CATSPER3: variants seen among roughly 807,000 people sequenced by gnomAD.
CATSPER3 encodes cation channel sperm associated 3, also known as cation channel sperm-associated protein 3.
A neutral mutation model predicts 36.6 loss-of-function variants in CATSPER3; 23 were observed. The ratio of observed to expected loss-of-function variants is 0.63; its 90% CI spans 0.45 to 0.89. The LOEUF is 0.89. Among genes scored for constraint, CATSPER3 ranks in the 40% least tolerant of loss-of-function variants. The pLI, the probability that CATSPER3 is intolerant of heterozygous loss-of-function variation, is 0.00. For synonymous variants in CATSPER3, 172 were observed against 184.1 expected (o/e 0.93, Z 0.53); for missense variants, 474 against 503.9 (o/e 0.94, Z 0.57).
intron 3 of CATSPER3, among the ~76,000 whole-genome samples, chr5:134,998,554 T>C (rs2149551247): frequency 6.6e-6 from 1 of 152,398 alleles, no homozygotes; most frequent in East Asian, 1.9e-4. Flanking sequence ...AAAGTGTTCC[T>C]ATTTCTCCAC....
At position 135,011,523 on chromosome 5, in the gene CATSPER3, T is replaced by G. The variant is rs745909994; in HGVS notation, c.1097T>G (p.Leu366Arg). Reference sequence around the variant, plus strand: ...TCTCCTCCTGCTCCATTTTTCAGGCTTCAAGAGCTGTACTATGAGATCGTG... The same window carrying G: ...TCTCCTCCTGCTCCATTTTTCAGGCGTCAAGAGCTGTACTATGAGATCGTG... ...LDYQDTTVHK[L>R]QELYYEIVHV... is the part of the protein sequence containing the mutation. Residue 366 changes from leucine (L) to arginine (R), a missense_variant and splice_region_variant, in exon 8 of 8, where the codon CTT becomes CGT. Physicochemically the swap from Leu to Arg is moderately radical, Grantham distance 102. Coordinates refer to ENST00000282611, the MANE Select transcript of CATSPER3 (RefSeq NM_178019.3). 1 of 1,612,950 alleles carries G rather than the reference T, an allele frequency of 6.2e-7. No individual in the cohort carries two copies. Among genetic ancestry groups the G allele is most frequent in the Non-Finnish European group, 8.5e-7 (1 of 1,179,114 alleles).
chr5:134,972,241 T>G (rs889155203), intron 2 of CATSPER3, among the ~76,000 whole-genome samples: 15 of 152,204 alleles, frequency 9.9e-5, no homozygotes, highest in Non-Finnish European at 2.1e-4. Context: ...GTTGCTCAAC[T>G]GGTAAAGAAA....
At chr5:134,986,032 CACTT>C (rs1441582791) in intron 2 of CATSPER3, among the ~76,000 whole-genome samples, 1 of 151,946 alleles carries the variant, frequency 6.6e-6, no homozygotes, top group African/African-American at 2.4e-5. Flanking sequence ...TTCTACCAGT[CACTT>C]AAATATATAT....
chr5:134,970,405 C>T (rs921135462), intron 2 of CATSPER3, among the ~76,000 whole-genome samples: 2 of 151,964 alleles, frequency 1.3e-5, no homozygotes, highest in African/African-American at 2.4e-5. Flanking sequence ...GTGATCCACC[C>T]GCCTCAGCCT....
intron 2 of CATSPER3, among the ~76,000 whole-genome samples, chr5:134,981,995 T>A (rs1454384982): frequency 6.6e-6 from 1 of 152,058 alleles, no homozygotes; most frequent in East Asian, 1.9e-4. Flanking sequence ...CCAGGCTTGA[T>A]GGCAGGGCCT....
intron 1 of CATSPER3, chr5:134,968,515 AC>A: frequency 4.1e-6 from 1 of 246,506 alleles, no homozygotes; most frequent in South Asian, 5.2e-5. Flanking sequence ...ACGTGGCGAA[AC>A]CCCATCTCTA....
intron 3 of CATSPER3, 60 bp from the exon 4 acceptor site, chr5:135,007,897 T>A: frequency 7.5e-7 from 1 of 1,340,762 alleles, no homozygotes; most frequent in Non-Finnish European, 1.0e-6. Flanking sequence ...TGGACCTCTG[T>A]CCCTGGAGCC....
At position 134,968,057 on chromosome 5, in the gene CATSPER3, G is replaced by T. The variant is rs143654392; in HGVS notation, c.66G>T (p.Ser22=). The change falls in exon 1 of 8, where the codon TCG becomes TCT. Residue 22 remains serine (S), a synonymous_variant. Transcript: ENST00000282611. ...CTAGTTCACCAGTTGACACTACATC[G>T]GTGGGATTTTGCCCAACATTCAAGA... ...VISSSPVDTT[S]VGFCPTFKKF... 6 of 1,613,674 alleles carry T rather than the reference G, an allele frequency of 3.7e-6. No individual in the cohort carries two copies. In the African/African-American group the frequency reaches 4.0e-5, roughly 11 times the overall value.
intron 2 of CATSPER3, among the ~76,000 whole-genome samples, chr5:134,991,211 T>G (rs907345379): frequency 8.5e-5 from 13 of 152,220 alleles, no homozygotes; most frequent in Admixed American, 4.6e-4. Flanking sequence ...GCAATACTTT[T>G]CAAAGCAATC....
At position 134,967,934 on chromosome 5, in the gene CATSPER3, AAGC is replaced by A. The variant is rs985720177; in HGVS notation, c.-55_-53del. On this transcript the variant is annotated 5_prime_UTR_variant, in exon 1 of 8. Coordinates refer to ENST00000282611, the MANE Select transcript of CATSPER3 (RefSeq NM_178019.3). ...AATCCAGACGCTAAGGAAAATCCCTAAGCAGAGATTTTCTGTTGGATGCTAAAA... is the reference window on the plus strand; with the variant it reads ...AATCCAGACGCTAAGGAAAATCCCTAAGAGATTTTCTGTTGGATGCTAAAA... 7.7e-7 allele frequency: 1 copy of A among 1,298,014 alleles called. No homozygotes were observed. The highest frequency in any genetic ancestry group is 1.5e-5 in the African/African-American group (1 of 68,566). 80.4% of individuals were successfully genotyped at this position (1,298,014 alleles called of 1,614,324 possible).
intron 2 of CATSPER3, among the ~76,000 whole-genome samples, chr5:134,988,496 G>C (rs1457180329): frequency 6.6e-6 from 1 of 152,198 alleles, no homozygotes; most frequent in Admixed American, 6.5e-5. Context: ...GAAGTTTACG[G>C]AATATTCTAA....
At chr5:134,998,747 C>A (rs972697922) in intron 3 of CATSPER3, among the ~76,000 whole-genome samples, 3 of 152,132 alleles carry the variant, frequency 2.0e-5, no homozygotes, top group African/African-American at 7.2e-5. Context: ...ATATCCTTTG[C>A]CCACTTTTTG....
In CATSPER3 at chr5:135,007,880, G is replaced by A. The variant is rs909829626; in HGVS notation, c.493-77G>A. The A allele has an allele frequency of 2.1e-4, 252 of 1,196,370 alleles. 1 individual carries two copies. The highest frequency in any genetic ancestry group is 2.9e-4 in the Middle Eastern group (1 of 3,440). The allele number at this position is 1,196,370 out of a possible 1,614,324, so 74.1% of individuals were successfully genotyped here. On this transcript the variant is annotated intron_variant, in intron 3 of 7. Transcript: ENST00000282611. The stretch of plus-strand genomic sequence containing the variant: ...AGTTGCTGGGGACAGCTGTGAACTG[G>A]GCAGAATGGACCTCTGTCCCTGGAG...
chr5:134,975,206 T>C (rs1360456020), intron 2 of CATSPER3: 1 of 152,098 alleles, frequency 6.6e-6, no homozygotes, highest in Non-Finnish European at 1.5e-5. Flanking sequence ...TGAGAAATTA[T>C]TAACACTTCT....
intron 2 of CATSPER3, among the ~76,000 whole-genome samples, chr5:134,992,720 C>T (rs1751893524): frequency 6.6e-6 from 1 of 152,070 alleles, no homozygotes; most frequent in African/African-American, 2.4e-5. Flanking sequence ...AGCAAGACTC[C>T]ATCTCAAAAA....
Position 134,997,837 on chromosome 5 carries a change from G to A in CATSPER3, c.492+1325G>A, listed in dbSNP as rs117336897. On this transcript the variant is annotated intron_variant, in intron 3 of 7. Coordinates refer to ENST00000282611, the MANE Select transcript of CATSPER3 (RefSeq NM_178019.3). ...ATCTCACAGGCTTCTCAAATTTGAT[G>A]TGTCTAAACTGAAGTTGTCACTCAC... Among the ~76,000 whole-genome samples, 44 of 152,212 alleles carry A rather than the reference G, an allele frequency of 2.9e-4. No individual in the cohort carries two copies. The East Asian group carries it at 8.3e-3, about 29-fold the overall frequency.
intron 7 of CATSPER3, 72 bp from the exon 8 acceptor site, chr5:135,011,449 G>C (rs1310518645): frequency 8.4e-6 from 9 of 1,074,946 alleles, no homozygotes; most frequent in Non-Finnish European, 1.3e-5. Flanking sequence ...CAAACGTGTG[G>C]TCAGTGGGGC....
rs773927198 is a variant in CATSPER3 at position 135,008,842 on chromosome 5, T to C, written c.677T>C (p.Val226Ala). The change falls in exon 5 of 8, where the codon GTT (valine) becomes GCT (alanine). Residue 226 changes from valine to alanine, a missense_variant and splice_region_variant. Val to Ala is a moderately conservative substitution (Grantham distance 64, BLOSUM62 0). Coordinates refer to ENST00000282611, the MANE Select transcript of CATSPER3 (RefSeq NM_178019.3). ...AFFTLFSLAT[V>A]DGWTDLQKQL... ...GCATACTCTTCCCTGCCTGAGCAGG[T>C]TGATGGCTGGACAGACCTGCAGAAG... 3.7e-6 allele frequency: 6 copies of C among 1,613,984 alleles called. No individual in the cohort carries two copies. Among genetic ancestry groups the C allele is most frequent in the East Asian group, 4.5e-5 (2 of 44,888 alleles).
rs1205848886 is a variant in CATSPER3, at chr5:134,967,964, C to T, written c.-28C>T. 6.5e-7 allele frequency: 1 copy of T among 1,541,878 alleles called. No individual in the cohort carries two copies. Among genetic ancestry groups the T allele is most frequent in the East Asian group, 2.2e-5 (1 of 44,548 alleles). ...GAGATTTTCTGTTGGATGCTAAAAG[C>T]AAGGAATAAAAGTTGAAAATTTGGA... is the stretch of plus-strand genomic sequence containing the variant. On this transcript the variant is annotated 5_prime_UTR_variant, in exon 1 of 8. Coordinates refer to ENST00000282611, the MANE Select transcript of CATSPER3 (RefSeq NM_178019.3).
Sources: gnomAD v4.1 joint callset for allele counts (sites outside exome capture counted in the v4.1 genomes callset) on GRCh38, gnomAD v4.1.1 for gene constraint, MANE v1.5 for transcripts, NCBI Gene and HGNC (gene_info 2026-07-23, HGNC 2026-07-21) for gene names.